CDKL2: variants seen among roughly 807,000 people sequenced by gnomAD.
CDKL2 encodes cyclin-dependent kinase-like 2.
A neutral mutation model predicts 63.9 loss-of-function variants in CDKL2; 64 were observed. The ratio of observed to expected loss-of-function variants is 1.00; its 90% confidence interval spans 0.82 to 1.23. The LOEUF (loss-of-function observed/expected upper bound fraction) is 1.23. CDKL2 is among the 50% of genes most tolerant of loss of function. CDKL2 has a pLI of 0.00. For synonymous variants in CDKL2, 211 were observed against 229.2 expected (o/e 0.92, Z 0.72); for missense variants, 656 against 668.0 (o/e 0.98, Z 0.20).
At chr4:75,594,894 A>G (rs974300327) in intron 10 of CDKL2, among the ~76,000 whole-genome samples, 10 of 152,140 alleles carry the variant, frequency 6.6e-5, no homozygotes, top group Non-Finnish European at 1.5e-4. Context: ...TCAATCCTGC[A>G]GGCACTTATA....
rs576539566 is a variant in CDKL2, at chr4:75,598,592, T to TAA, written c.885-382_885-381dup. Among the ~76,000 whole-genome samples the TAA allele has an allele frequency of 5.4e-3, 795 of 145,876 alleles. 7 individuals are homozygous for TAA. Among genetic ancestry groups the TAA allele is most frequent in the East Asian group, 0.012 (59 of 4,924 alleles). ...CACATTCTCAGTTGCTTTTTTTTTT[T>TAA]AAAAAAAAAAAAGGCAGTCTTGCTT... On this transcript the variant is annotated intron_variant, in intron 7 of 13. Transcript: ENST00000307465.
intron 2 of CDKL2, among the ~76,000 whole-genome samples, chr4:75,625,118 G>T: frequency 6.6e-6 from 1 of 152,078 alleles, no homozygotes; most frequent in East Asian, 1.9e-4. Context: ...TGGAAGATTT[G>T]AACAACACAA....
intron 2 of CDKL2, among the ~76,000 whole-genome samples, chr4:75,614,945 ATATATATATATACAC>A (rs1729869636): frequency 6.8e-6 from 1 of 147,668 alleles, no homozygotes; most frequent in Non-Finnish European, 1.5e-5. Context: ...ATGTATATTC[ATATATATATATACAC>A]TATATATATA....
chr4:75,603,676 CAGCA>C, intron 6 of CDKL2, 137 bp downstream of exon 6: 2 of 570,058 alleles, frequency 3.5e-6, no homozygotes, highest in Non-Finnish European at 5.7e-6. Flanking sequence ...GATCATGCCA[CAGCA>C]CTCCAGCCTG....
At chr4:75,598,617 T>C (rs1273282185) in intron 7 of CDKL2, among the ~76,000 whole-genome samples, 1 of 151,472 alleles carries the variant, frequency 6.6e-6, no homozygotes, top group Non-Finnish European at 1.5e-5. Context: ...CAGTCTTGCT[T>C]AAGAATGTCT....
intron 1 of CDKL2, among the ~76,000 whole-genome samples, chr4:75,626,865 G>A (rs1730444896): frequency 6.6e-6 from 1 of 151,710 alleles, no homozygotes; most frequent in African/African-American, 2.4e-5. Context: ...ACCAGCCTGA[G>A]CAACGGAGCA....
At chr4:75,611,394 G>A (rs1223022038) in intron 3 of CDKL2, among the ~76,000 whole-genome samples, 1 of 150,694 alleles carries the variant, frequency 6.6e-6, no homozygotes, top group African/African-American at 2.4e-5. Flanking sequence ...AGGAGGCAGA[G>A]GTTGCAGTGA....
chr4:75,585,483 C>T (rs1353626104), intron 12 of CDKL2, among the ~76,000 whole-genome samples: 2 of 152,072 alleles, frequency 1.3e-5, no homozygotes, highest in African/African-American at 4.8e-5. Flanking sequence ...GTCTTAGTTA[C>T]TCAGGAGGTT....
intron 2 of CDKL2, among the ~76,000 whole-genome samples, chr4:75,615,216 G>A (rs922164867): frequency 6.6e-6 from 1 of 152,110 alleles, no homozygotes; most frequent in Non-Finnish European, 1.5e-5. Flanking sequence ...GAACACCATT[G>A]TGAATTATGG....
At chr4:75,617,565 C>T (rs6852678) in intron 2 of CDKL2, among the ~76,000 whole-genome samples, 38,034 of 152,040 alleles carry the variant, frequency 0.25, 5,043 homozygotes, top group Middle Eastern at 0.36. Context: ...ATTTCATATC[C>T]TAATGGAACT....
intron 13 of CDKL2, among the ~76,000 whole-genome samples, chr4:75,580,000 G>T (rs1265071704): frequency 6.6e-6 from 1 of 152,110 alleles, no homozygotes; most frequent in Non-Finnish European, 1.5e-5. Context: ...GGCTGGGCAT[G>T]GTGACTCATG....
At chr4:75,596,889 A>C in intron 9 of CDKL2, 46 bp downstream of exon 9, 1 of 1,507,198 alleles carries the variant, frequency 6.6e-7, no homozygotes, top group Non-Finnish European at 9.1e-7. Context: ...GCAATTTGCA[A>C]ATATGTCCTT....
intron 2 of CDKL2, among the ~76,000 whole-genome samples, chr4:75,623,909 G>A (rs1730279634): frequency 2.0e-5 from 3 of 151,990 alleles, no homozygotes; most frequent in South Asian, 2.1e-4. Flanking sequence ...TGAGGCAGGC[G>A]GATAACCTGA....
chr4:75,583,729 G>A (rs528717749), intron 12 of CDKL2, among the ~76,000 whole-genome samples: 7 of 152,222 alleles, frequency 4.6e-5, no homozygotes, highest in African/African-American at 1.7e-4. Flanking sequence ...ATGGAGAAAT[G>A]GATGGGCAAT....
At chr4:75,603,557 C>T (rs1028394051) in intron 6 of CDKL2, among the ~76,000 whole-genome samples, 20 of 150,402 alleles carry the variant, frequency 1.3e-4, no homozygotes, top group Non-Finnish European at 2.8e-4. Flanking sequence ...AGTGAAACCC[C>T]GTTTCTACTA....
intron 2 of CDKL2, 139 bp from the exon 3 acceptor site, chr4:75,614,588 T>G: frequency 1.8e-6 from 1 of 554,104 alleles, no homozygotes. Context: ...GCATACATAG[T>G]GTAAATTGTA....
At chr4:75,607,056 T>C (rs1729450397) in intron 4 of CDKL2, 127 bp downstream of exon 4, 2 of 677,074 alleles carry the variant, frequency 3.0e-6, no homozygotes, top group Non-Finnish European at 4.8e-6. Context: ...CAATTTACTT[T>C]ATATAGTCCC....
rs563343892 is a variant in CDKL2 at position 75,580,861 on chromosome 4, C to T, written c.*23+949G>A. 4.0e-3 allele frequency among the ~76,000 whole-genome samples: 598 copies of T among 150,688 alleles called. 7 individuals are homozygous for T. Among genetic ancestry groups the T allele is most frequent in the African/African-American group, 0.014 (574 of 41,256 alleles). ...GACTACAGGCGCCCGCTACCACACC[C>T]GGCTAATTTTTTGTATTTTTAGTAG... On this transcript the variant is annotated intron_variant, in intron 13 of 13. Transcript: ENST00000307465.
chr4:75,592,086 C>A (rs2148868763), intron 11 of CDKL2, 60 bp downstream of exon 11: 1 of 1,452,240 alleles, frequency 6.9e-7, no homozygotes, highest in South Asian at 1.4e-5. Context: ...TAAATTCTGT[C>A]TAACATACAT....
Sources: allele counts gnomAD v4.1 joint callset (sites outside exome capture counted in the v4.1 genomes callset), GRCh38; gene constraint gnomAD v4.1.1; transcripts MANE v1.5; gene names NCBI Gene and HGNC (gene_info 2026-07-23, HGNC 2026-07-21).